The following SLC22A9 variants were observed in gnomAD, a reference collection of about 807,000 sequenced individuals.
The protein encoded by SLC22A9 is solute carrier family 22 member 9.
SLC22A9 carries 64 observed loss-of-function variants against 50.1 expected under a neutral mutation model. The observed-to-expected ratio is 1.28, with a 90% CI of 1.04 to 1.57. The LOEUF is 1.57. Ranked by LOEUF, SLC22A9 falls within the 40% of genes most tolerant of loss-of-function variation. The pLI is 0.00. For missense variants in SLC22A9, 757 were observed against 676.1 expected, an observed-to-expected ratio of 1.12 and a Z score of -1.33; for synonymous variants, 261 against 242.5, an observed-to-expected ratio of 1.08 and a Z score of -0.71.
chr11:63,397,843 T>C (rs1033563906), intron 6 of SLC22A9, among the ~76,000 whole-genome samples: 1 of 152,176 alleles, frequency 6.6e-6, no homozygotes, highest in Non-Finnish European at 1.5e-5. Context: ...CTTGGATTTA[T>C]GGACCCCAAG....
At chr11:63,396,336 GC>G (rs1273069034) in intron 6 of SLC22A9, among the ~76,000 whole-genome samples, 2 of 152,190 alleles carry the variant, frequency 1.3e-5, no homozygotes, top group Non-Finnish European at 2.9e-5. Context: ...GGAATGGCTG[GC>G]ATGGGGGCCT....
At position 63,374,069 on chromosome 11, in the gene SLC22A9, G is replaced by C; in HGVS notation, c.830+7G>C. The stretch of plus-strand genomic sequence containing the variant: ...TGATCTTTCTGACCTCAAGGTATGA[G>C]TTTGTTTCTTCTTTTGTCTTAATGA... On this transcript the variant is annotated splice_region_variant and intron_variant, in intron 4 of 9. Coordinates refer to ENST00000279178, the MANE Select transcript of SLC22A9 (RefSeq NM_080866.3). The C allele has an allele frequency of 6.3e-7, 1 of 1,599,100 alleles. No individual in the cohort carries two copies. The highest frequency in any genetic ancestry group is 1.3e-5 in the African/African-American group (1 of 74,280).
chr11:63,406,501 G>C lies in SLC22A9; in HGVS notation c.1078G>C (p.Ala360Pro). The part of the protein sequence containing the change: ...RISLLSFTRF[A>P]NFMAYFGLNL... ...TTTCCTTTTTAATCATCACAGATTT[G>C]CAAACTTTATGGCCTATTTTGGCCT... The change falls in exon 7 of 10, where the codon GCA (alanine) becomes CCA (proline). Residue 360 changes from alanine to proline, a missense_variant. By Grantham distance (27) the Ala-to-Pro change is conservative. Transcript: ENST00000279178. 6.2e-7 allele frequency: 1 copy of C among 1,613,222 alleles called. No individual in the cohort carries two copies. Among genetic ancestry groups the C allele is most frequent in the Non-Finnish European group, 8.5e-7 (1 of 1,179,392 alleles).
At chr11:63,371,787 G>T (rs1272999429) in intron 2 of SLC22A9, among the ~76,000 whole-genome samples, 1 of 152,154 alleles carries the variant, frequency 6.6e-6, no homozygotes, top group Non-Finnish European at 1.5e-5. Flanking sequence ...ACCATGTGAG[G>T]TAAGTAATCC....
At chr11:63,403,898 A>T (rs991900907) in intron 6 of SLC22A9, among the ~76,000 whole-genome samples, 3 of 152,108 alleles carry the variant, frequency 2.0e-5, no homozygotes, top group African/African-American at 7.2e-5. Flanking sequence ...ACCCTTGTAT[A>T]TTGTTGGTGG....
Position 63,410,004 on chromosome 11 carries a change from G to T in SLC22A9, c.*142G>T, listed in dbSNP as rs2015112448. On this transcript the variant is annotated 3_prime_UTR_variant, in exon 10 of 10. Coordinates refer to ENST00000279178, the MANE Select transcript of SLC22A9 (RefSeq NM_080866.3). ...GCCTGTAATCCCAGCACCTTGGGAG[G>T]CTGAGGCGGGCAGATCATGAGGTCA... The T allele has an allele frequency of 1.3e-6, 1 of 782,476 alleles. No individual in the cohort carries two copies. The highest frequency in any genetic ancestry group is 1.7e-5 in the South Asian group (1 of 59,020). The allele number at this position is 782,476 out of a possible 1,614,324, so 48.5% of individuals were successfully genotyped here.
intron 6 of SLC22A9, among the ~76,000 whole-genome samples, chr11:63,399,207 A>G (rs1456311550): frequency 6.6e-6 from 1 of 152,180 alleles, no homozygotes; most frequent in Non-Finnish European, 1.5e-5. Context: ...TTACCTATTA[A>G]TTGCATTGAA....
chr11:63,387,535 T>C (rs1024448938), intron 6 of SLC22A9, among the ~76,000 whole-genome samples: 4 of 152,152 alleles, frequency 2.6e-5, no homozygotes, highest in African/African-American at 9.7e-5. Flanking sequence ...GTCTGTACCA[T>C]GCTGTTTTGG....
At chr11:63,371,946 C>A (rs2014367370) in intron 2 of SLC22A9, among the ~76,000 whole-genome samples, 2 of 152,116 alleles carry the variant, frequency 1.3e-5, no homozygotes, top group Admixed American at 6.6e-5. Flanking sequence ...TTGCCATCCA[C>A]CAACATCATG....
At position 63,409,976 on chromosome 11, in the gene SLC22A9, C is replaced by T. The variant is rs2120041054; in HGVS notation, c.*114C>T. 2 of 1,188,550 alleles carry T rather than the reference C, an allele frequency of 1.7e-6. No individual in the cohort carries two copies. Among genetic ancestry groups the T allele is most frequent in the Non-Finnish European group, 2.4e-6 (2 of 828,912 alleles). 73.6% of individuals were successfully genotyped at this position (1,188,550 alleles called of 1,614,324 possible). On this transcript the variant is annotated 3_prime_UTR_variant, in exon 10 of 10. Coordinates refer to ENST00000279178, the MANE Select transcript of SLC22A9 (RefSeq NM_080866.3). The stretch of plus-strand genomic sequence containing the variant: ...AATAACAAGGCTGGGTGCGGTGGCT[C>T]ACGCCTGTAATCCCAGCACCTTGGG...
At chr11:63,408,593 C>G in intron 8 of SLC22A9, 83 bp from the exon 9 acceptor site, 5 of 1,275,994 alleles carry the variant, frequency 3.9e-6, no homozygotes, top group Non-Finnish European at 5.6e-6. Context: ...AATGTTCCCC[C>G]ATAATTAGAG....
intron 6 of SLC22A9, among the ~76,000 whole-genome samples, chr11:63,389,307 T>C (rs1373688930): frequency 6.6e-6 from 1 of 151,976 alleles, no homozygotes; most frequent in African/African-American, 2.4e-5. Context: ...GCATTAGGTA[T>C]TTGTCTTAAT....
intron 6 of SLC22A9, among the ~76,000 whole-genome samples, chr11:63,384,467 T>A (rs1428520489): frequency 6.6e-6 from 1 of 152,192 alleles, no homozygotes; most frequent in Non-Finnish European, 1.5e-5. Flanking sequence ...GCAGAGGACA[T>A]GATCGCATTT....
intron 9 of SLC22A9, among the ~76,000 whole-genome samples, chr11:63,409,452 A>T (rs1252794573): frequency 6.6e-6 from 1 of 151,102 alleles, no homozygotes; most frequent in Admixed American, 6.6e-5. Flanking sequence ...AAAAAAAAAA[A>T]TCACAAAAAT....
intron 5 of SLC22A9, among the ~76,000 whole-genome samples, chr11:63,380,872 C>CA (rs1165755105): frequency 1.3e-5 from 2 of 151,548 alleles, no homozygotes; most frequent in East Asian, 1.9e-4. Context: ...AAGTAAAAAA[C>CA]AAAAAACAAA....
chr11:63,382,006 T>C lies in SLC22A9; in HGVS notation c.955-153T>C, dbSNP rs17158201. Among the ~76,000 whole-genome samples the C allele has an allele frequency of 9.1e-4, 139 of 152,284 alleles. No homozygotes were observed. The East Asian group carries it at 0.013, about 14-fold the overall frequency. On this transcript the variant is annotated intron_variant, in intron 5 of 9. Transcript: ENST00000279178. ...ACGTCCTAATTCACTTTTCACATCA[T>C]TTTTACACATATCATTGCATTTTAA...
At position 63,394,896 on chromosome 11, in the gene SLC22A9, A is replaced by C. The variant is rs554673011; in HGVS notation, c.1074-11601A>C. ...GTTTGGTCGTTTAGCATAATCCCAG[A>C]CTTTTTGGAGGCTTTGTTCATATTT... On this transcript the variant is annotated intron_variant, in intron 6 of 9. Coordinates refer to ENST00000279178, the MANE Select transcript of SLC22A9 (RefSeq NM_080866.3). Among the ~76,000 whole-genome samples, 8 of 151,604 alleles carry C rather than the reference A, an allele frequency of 5.3e-5. No individual in the cohort carries two copies. In the East Asian group the frequency reaches 1.4e-3, roughly 26 times the overall value.
intron 6 of SLC22A9, among the ~76,000 whole-genome samples, chr11:63,391,887 T>C (rs963386907): frequency 2.0e-5 from 3 of 152,046 alleles, no homozygotes; most frequent in Non-Finnish European, 4.4e-5. Flanking sequence ...GTATCTTCCT[T>C]CTCTCCTTCC....
chr11:63,408,096 T>G lies in SLC22A9; in HGVS notation c.1289-16T>G, dbSNP rs745879751. On this transcript the variant is annotated splice_polypyrimidine_tract_variant and intron_variant, in intron 7 of 9. Transcript: ENST00000279178. ...AGCTCAGATTTCCTGAGGCCTTGTG[T>G]TCTTCCTTTCTCCAGAAATGCAGAC... 2.5e-5 allele frequency: 40 copies of G among 1,608,836 alleles called. 1 individual carries two copies. The highest frequency in any genetic ancestry group is 3.3e-5 in the Admixed American group (2 of 59,798).
Sources: allele counts gnomAD v4.1 joint callset (sites outside exome capture counted in the v4.1 genomes callset), GRCh38; gene constraint gnomAD v4.1.1; transcripts MANE v1.5; gene names NCBI Gene and HGNC (gene_info 2026-07-23, HGNC 2026-07-21).